The following MGST1 variants were observed in gnomAD, a reference collection of about 807,000 sequenced individuals.
MGST1 encodes microsomal glutathione S-transferase 1.
A neutral mutation model predicts 8.9 loss-of-function variants in MGST1; 5 were observed. That is an observed-to-expected ratio of 0.56 (90% CI 0.29 to 1.19). MGST1 has a LOEUF of 1.19. Ranked by LOEUF, MGST1 falls within the 50% of genes most tolerant of loss-of-function variation. MGST1 has a pLI of 0.08. For missense variants in MGST1, 182 were observed against 187.4 expected, an observed-to-expected ratio of 0.97 and a Z score of 0.17; for synonymous variants, 54 against 67.8, an observed-to-expected ratio of 0.80 and a Z score of 1.00.
At chr12:16,407,462 G>T (rs1940705330) in intron 1 of MGST1, among the ~76,000 whole-genome samples, 1 of 152,170 alleles carries the variant, frequency 6.6e-6, no homozygotes, top group Non-Finnish European at 1.5e-5. Flanking sequence ...TATACTGCTG[G>T]TGGGAGTGTA....
chr12:16,513,906 G>T lies in MGST1; in HGVS notation n.483-75622G>T. 1.7e-6 allele frequency: 1 copy of T among 594,856 alleles called. No homozygotes were observed. Among genetic ancestry groups the T allele is most frequent in the Non-Finnish European group, 3.2e-6 (1 of 307,950 alleles). The allele number at this position is 594,856 out of a possible 1,614,324, so 36.8% of individuals were successfully genotyped here. A position where few individuals can be genotyped will look rare whatever the true frequency, so the allele number is the denominator to read the frequency against. ...CCATCTTCAGGGATACTGGCATGCA[G>T]CTACAAGGTTATCGATACTATGACC... On this transcript the variant is annotated intron_variant and non_coding_transcript_variant, in intron 4 of 4. Coordinates refer to the MGST1 transcript ENST00000538857. This position sits in a 1 kb window ranked among gnomAD's most constrained non-coding sequence, Gnocchi z 4.2.
intron 1 of MGST1, among the ~76,000 whole-genome samples, chr12:16,409,754 C>T (rs1469735907): frequency 1.3e-5 from 2 of 152,100 alleles, no homozygotes; most frequent in African/African-American, 4.8e-5. Context: ...GCCTGTACCA[C>T]ACAGAAATGT....
intron 4 of MGST1, among the ~76,000 whole-genome samples, chr12:16,510,872 TA>T (rs1037909226): frequency 2.0e-5 from 3 of 152,218 alleles, no homozygotes; most frequent in Non-Finnish European, 4.4e-5. Context: ...TTTTATGAAT[TA>T]AAAAACTCTC....
At chr12:16,498,509 C>T (rs1265613073) in intron 4 of MGST1, among the ~76,000 whole-genome samples, 3 of 152,178 alleles carry the variant, frequency 2.0e-5, no homozygotes, top group Non-Finnish European at 4.4e-5. Flanking sequence ...CCAGCTAAGG[C>T]TGACATAGAG....
chr12:16,399,476 C>G (rs573662670), intron 1 of MGST1: 1 of 1,554,556 alleles, frequency 6.4e-7, no homozygotes, highest in South Asian at 1.1e-5. Flanking sequence ...CCTTTCCACT[C>G]TCTTCTTCAC....
intron 1 of MGST1, among the ~76,000 whole-genome samples, chr12:16,349,555 C>A (rs1939361218): frequency 6.6e-6 from 1 of 152,040 alleles, no homozygotes; most frequent in Non-Finnish European, 1.5e-5. Context: ...TTTTCTGGGC[C>A]TTAATTTCCT....
Position 16,363,745 on chromosome 12 carries a change from A to ATATCTAG in MGST1, c.222-46_222-40dup. 7.0e-7 allele frequency: 1 copy of ATATCTAG among 1,432,764 alleles called. No homozygotes were observed. The highest frequency in any genetic ancestry group is 9.4e-7 in the Non-Finnish European group (1 of 1,065,344). 88.8% of individuals were successfully genotyped at this position (1,432,764 alleles called of 1,614,324 possible). On this transcript the variant is annotated intron_variant, in intron 3 of 3. Transcript: ENST00000396210. The surrounding 1 kb of genome is among the most constrained non-coding windows in gnomAD (Gnocchi z 4.6). ...TTAGAAGAGAGAGAAAAAAGGATAC[A>ATATCTAG]TATCTAGTATTTTGAAATTAGTGTC...
intron 4 of MGST1, among the ~76,000 whole-genome samples, chr12:16,580,813 G>T (rs570580435): frequency 2.6e-5 from 4 of 152,208 alleles, no homozygotes; most frequent in Middle Eastern, 3.4e-3. Flanking sequence ...AATTTTTCAC[G>T]ATGTTCTTAT....
At chr12:16,539,512 C>T (rs1941780547) in intron 4 of MGST1, among the ~76,000 whole-genome samples, 1 of 152,150 alleles carries the variant, frequency 6.6e-6, no homozygotes, top group African/African-American at 2.4e-5. Flanking sequence ...CCACCTCCTC[C>T]TGTATTGACT....
At chr12:16,573,869 C>T (rs1248926055) in intron 4 of MGST1, 2 of 152,288 alleles carry the variant, frequency 1.3e-5, no homozygotes, top group South Asian at 2.1e-4. Flanking sequence ...AAATCACCGT[C>T]TGGAGGCCAC....
At chr12:16,398,436 G>T (rs1457399898) in intron 1 of MGST1, among the ~76,000 whole-genome samples, 1 of 152,154 alleles carries the variant, frequency 6.6e-6, no homozygotes, top group Non-Finnish European at 1.5e-5. Flanking sequence ...ACTCCTCAGG[G>T]TATTCTAGGC....
chr12:16,590,683 G>A (rs754336364), downstream of MGST1, among the ~76,000 whole-genome samples: 1 of 151,904 alleles, frequency 6.6e-6, no homozygotes, highest in Non-Finnish European at 1.5e-5. Flanking sequence ...TAAATGCTGT[G>A]TTGGCAGTCC....
intron 4 of MGST1, among the ~76,000 whole-genome samples, chr12:16,534,173 A>G (rs1941739927): frequency 6.6e-6 from 1 of 152,234 alleles, no homozygotes; most frequent in African/African-American, 2.4e-5. Flanking sequence ...CATTGATAAA[A>G]TAAGACAAAA....
chr12:16,464,734 G>A (rs1054563711), intron 4 of MGST1, among the ~76,000 whole-genome samples: 4 of 152,216 alleles, frequency 2.6e-5, no homozygotes, highest in African/African-American at 9.6e-5. Flanking sequence ...AATGGCATGA[G>A]GTTTTAGGTA....
chr12:16,416,915 C>T (rs911285040), intron 1 of MGST1, among the ~76,000 whole-genome samples: 1 of 152,092 alleles, frequency 6.6e-6, no homozygotes, highest in Non-Finnish European at 1.5e-5. Context: ...ATATCCAGAT[C>T]AAAAGTGTGG....
At chr12:16,471,066 AC>A (rs1941287270) in intron 4 of MGST1, among the ~76,000 whole-genome samples, 2 of 152,334 alleles carry the variant, frequency 1.3e-5, no homozygotes, top group African/African-American at 4.8e-5. Context: ...TGTCTTTGAT[AC>A]TTTTCCCTGC....
intron 3 of MGST1, among the ~76,000 whole-genome samples, chr12:16,359,545 A>G (rs1939892291): frequency 6.6e-6 from 1 of 152,246 alleles, no homozygotes; most frequent in South Asian, 2.1e-4. Flanking sequence ...CAGGACAAAG[A>G]ATCACTGTGG....
chr12:16,575,997 C>G (rs1942983476), intron 4 of MGST1, among the ~76,000 whole-genome samples: 1 of 151,702 alleles, frequency 6.6e-6, no homozygotes, highest in Admixed American at 6.5e-5. Flanking sequence ...TTTGCCTCCT[C>G]TTCTCAGACC....
At chr12:16,417,538 A>G (rs988523331) in intron 1 of MGST1, among the ~76,000 whole-genome samples, 1 of 152,184 alleles carries the variant, frequency 6.6e-6, no homozygotes, top group Non-Finnish European at 1.5e-5. Context: ...TGAGAGAGCT[A>G]TTTGACCAGT....
Sources: allele counts gnomAD v4.1 joint callset (sites outside exome capture counted in the v4.1 genomes callset), GRCh38; gene constraint gnomAD v4.1.1; non-coding constraint Gnocchi (gnomAD v3.1); transcripts MANE v1.5; gene names NCBI Gene and HGNC (gene_info 2026-07-23, HGNC 2026-07-21).